IL13RA1: variants seen among roughly 807,000 people sequenced by gnomAD.
IL13RA1 encodes interleukin 13 receptor subunit alpha 1, also known as interleukin-13 receptor subunit alpha-1.
IL13RA1 carries 14 observed loss-of-function variants against 33.8 expected under a neutral mutation model. That is an observed-to-expected ratio of 0.41 (90% confidence interval 0.27 to 0.65). The LOEUF is 0.65. Ranked by LOEUF, IL13RA1 falls within the 30% of genes least tolerant of loss-of-function variation. IL13RA1 has a pLI of 0.28. For missense variants in IL13RA1, 313 were observed against 327.0 expected (o/e 0.96, Z 0.33); for synonymous variants, 116 against 115.7 (o/e 1.00, Z -0.02).
intron 1 of IL13RA1, among the ~76,000 whole-genome samples, chrX:118,733,951 C>A (rs1282929543): frequency 8.9e-6 from 1 of 111,787 alleles, no homozygotes; most frequent in Non-Finnish European, 1.9e-5. Flanking sequence ...TCTGGACTGT[C>A]TATTCTATTA....
chrX:118,737,248 G>A (rs1287432015), intron 1 of IL13RA1, among the ~76,000 whole-genome samples: 1 of 112,681 alleles, frequency 8.9e-6, no homozygotes, highest in Non-Finnish European at 1.9e-5. Context: ...CCTGCCATGG[G>A]GTTGGGGATG....
At chrX:118,802,286 T>G in the IL13RA1 span, among the ~76,000 whole-genome samples, 4 of 112,383 alleles carry the variant, frequency 3.6e-5, no homozygotes, top group Non-Finnish European at 7.5e-5. Context: ...TAGGGCCCCA[T>G]GAAGACTAGA....
At chrX:118,777,827 A>G (rs1482561562) in intron 10 of IL13RA1, among the ~76,000 whole-genome samples, 2 of 112,102 alleles carry the variant, frequency 1.8e-5, no homozygotes, top group East Asian at 2.8e-4. Context: ...AAGACACTAA[A>G]TGAAATAAAT....
chrX:118,778,502 C>A (rs767918687), intron 10 of IL13RA1, among the ~76,000 whole-genome samples: 1 of 111,401 alleles, frequency 9.0e-6, no homozygotes, highest in East Asian at 2.8e-4. Context: ...ACAAGAAATA[C>A]AGATTTCTGG....
intron 1 of IL13RA1, among the ~76,000 whole-genome samples, chrX:118,733,304 T>C (rs1273670101): frequency 8.9e-6 from 1 of 112,002 alleles, no homozygotes; most frequent in Non-Finnish European, 1.9e-5. Context: ...CCAACATTTA[T>C]TTTCTGTTTT....
Position 118,761,303 on chromosome X carries a change from A to G in IL13RA1, c.828+14A>G. On this transcript the variant is annotated intron_variant, in intron 6 of 10. Coordinates refer to ENST00000371666, the MANE Select transcript of IL13RA1 (RefSeq NM_001560.3). ...AATGTTTTCTACGTAAGGTTTTAAA[A>G]TTATTGTTTTTATTTGGCTATTTTT... 1.1e-6 allele frequency: 1 copy of G among 884,801 alleles called. No individual in the cohort carries two copies. The highest frequency in any genetic ancestry group is 1.6e-6 in the Non-Finnish European group (1 of 639,562). 72.9% of individuals were successfully genotyped at this position (884,801 alleles called of 1,213,427 possible).
At chrX:118,770,161 T>C (rs1183861675) in intron 8 of IL13RA1, 1 of 273,634 alleles carries the variant, frequency 3.7e-6, no homozygotes, top group Non-Finnish European at 7.0e-6. Flanking sequence ...ACCGGCGGTA[T>C]GGAGTGTCCG....
At chrX:118,780,230 C>T (rs1569458951) in intron 10 of IL13RA1, among the ~76,000 whole-genome samples, 1 of 112,730 alleles carries the variant, frequency 8.9e-6, no homozygotes, top group Non-Finnish European at 1.9e-5. Context: ...GCATATGCTG[C>T]ATACTCTTTT....
At chrX:118,769,888 G>T in intron 8 of IL13RA1, 1 of 134,437 alleles carries the variant, frequency 7.4e-6, no homozygotes, top group Non-Finnish European at 1.5e-5. Context: ...CGCTGCTGTT[G>T]GCCAGCATTA....
the IL13RA1 span, among the ~76,000 whole-genome samples, chrX:118,802,848 A>G: frequency 8.9e-6 from 1 of 111,945 alleles, no homozygotes; most frequent in Non-Finnish European, 1.9e-5. Context: ...GATAGCTCTA[A>G]TCAAAGGGTG....
chrX:118,735,926 C>T (rs1455184100), intron 1 of IL13RA1, among the ~76,000 whole-genome samples: 2 of 111,437 alleles, frequency 1.8e-5, no homozygotes, highest in African/African-American at 6.5e-5. Context: ...TGATGGTGTA[C>T]CACAGGTCTC....
intron 10 of IL13RA1, among the ~76,000 whole-genome samples, chrX:118,782,524 G>A (rs187938288): frequency 9.0e-6 from 1 of 111,585 alleles, no homozygotes; most frequent in African/African-American, 3.2e-5. Flanking sequence ...AAGGTGAGGA[G>A]TTGGATTAAT....
At chrX:118,791,101 G>A (rs1027858078) in intron 10 of IL13RA1, among the ~76,000 whole-genome samples, 8 of 110,851 alleles carry the variant, frequency 7.2e-5, no homozygotes, top group African/African-American at 3.3e-5. Flanking sequence ...TGAGAGGACC[G>A]AGCTCATGTT....
Position 118,741,118 on chromosome X carries a change from C to T in IL13RA1, c.190C>T (p.Leu64=). The T allele has an allele frequency of 8.6e-6, 10 of 1,160,773 alleles. No individual in the cohort carries two copies. The highest frequency in any genetic ancestry group is 1.2e-5 in the Non-Finnish European group (10 of 849,543). ...CGAGGGAGCCAGCTCAAATTGTAGT[C>T]TATGGTATTTTAGTCATTTTGGCGA... The part of the protein sequence containing the change: ...PPEGASSNCS[L]WYFSHFGDKQ... The change falls in exon 2 of 11, where the codon CTA becomes TTA. Residue 64 remains leucine, a synonymous_variant. Coordinates refer to ENST00000371666, the MANE Select transcript of IL13RA1 (RefSeq NM_001560.3).
chrX:118,730,857 A>G (rs1245573718), intron 1 of IL13RA1, among the ~76,000 whole-genome samples: 1 of 112,098 alleles, frequency 8.9e-6, no homozygotes, highest in African/African-American at 3.3e-5. Flanking sequence ...GGTAACTAAG[A>G]AAGATGTTGG....
intron 6 of IL13RA1, among the ~76,000 whole-genome samples, chrX:118,765,261 C>CTTTTTT (rs36015859): frequency 1.0e-5 from 1 of 96,421 alleles, no homozygotes; most frequent in Non-Finnish European, 2.1e-5. Context: ...TCAAGCCCAG[C>CTTTTTT]TTTTTTTTTT....
the IL13RA1 span, among the ~76,000 whole-genome samples, chrX:118,805,092 C>A: frequency 8.9e-6 from 1 of 111,905 alleles, no homozygotes; most frequent in Admixed American, 9.5e-5. Flanking sequence ...TCCCTAATTC[C>A]TGTTTTCCCA....
chrX:118,749,773 C>T lies in IL13RA1; in HGVS notation c.483C>T (p.Tyr161=), dbSNP rs1209491598. 2 of 1,156,224 alleles carry T rather than the reference C, an allele frequency of 1.7e-6. No homozygotes were observed. Among genetic ancestry groups the T allele is most frequent in the African/African-American group, 1.8e-5 (1 of 55,903 alleles). ...GTCCCGACACTAACTATACTCTCTA[C>T]TATTGGTGAGTATGTACAGTACAAT... ...NTSPDTNYTL[Y]YWHRSLEKIH... Residue 161 remains tyrosine (Y), a synonymous_variant, in exon 4 of 11, where the codon TAC becomes TAT. Transcript: ENST00000371666.
At chrX:118,800,601 C>T in the IL13RA1 span, among the ~76,000 whole-genome samples, 1 of 110,324 alleles carries the variant, frequency 9.1e-6, no homozygotes, top group Admixed American at 9.7e-5. Flanking sequence ...ACAGTCACGG[C>T]GTGGGTCCGC....
Sources: gnomAD v4.1 joint callset for allele counts (sites outside exome capture counted in the v4.1 genomes callset) on GRCh38, gnomAD v4.1.1 for gene constraint, MANE v1.5 for transcripts, NCBI Gene and HGNC (gene_info 2026-07-23, HGNC 2026-07-21) for gene names.